Variants in NRBF2 observed in about 807,000 individuals in gnomAD.
The protein encoded by NRBF2 is nuclear receptor binding factor 2.
NRBF2 carries 12 observed loss-of-function variants against 28.5 expected under a neutral mutation model. The ratio of observed to expected loss-of-function variants is 0.42; its 90% CI spans 0.27 to 0.68. The LOEUF (loss-of-function observed/expected upper bound fraction) is 0.68, where lower values mean the gene tolerates loss of function less well. Ranked by LOEUF, NRBF2 falls within the 30% of genes least tolerant of loss-of-function variation. The pLI is 0.24. For missense variants in NRBF2, 274 were observed against 333.5 expected (o/e 0.82, Z 1.39); for synonymous variants, 102 against 116.5 (o/e 0.88, Z 0.80).
intron 1 of NRBF2, among the ~76,000 whole-genome samples, chr10:63,134,860 A>C (rs1841350191): frequency 6.6e-6 from 1 of 152,178 alleles, no homozygotes; most frequent in Non-Finnish European, 1.5e-5. Context: ...ATTTACACTT[A>C]AGACGAATTG....
chr10:63,150,123 T>A (rs574196222), intron 2 of NRBF2, among the ~76,000 whole-genome samples: 1 of 151,648 alleles, frequency 6.6e-6, no homozygotes, highest in East Asian at 1.9e-4. Context: ...TGTATTTTTT[T>A]TTTTTTTTAG....
chr10:63,147,422 G>A (rs1841579050), intron 2 of NRBF2, among the ~76,000 whole-genome samples: 1 of 151,676 alleles, frequency 6.6e-6, no homozygotes, highest in South Asian at 2.1e-4. Flanking sequence ...CTGGTTTCAA[G>A]TGGTTCTCCT....
At chr10:63,141,812 C>T (rs1047072523) in intron 1 of NRBF2, among the ~76,000 whole-genome samples, 2 of 152,154 alleles carry the variant, frequency 1.3e-5, no homozygotes, top group African/African-American at 4.8e-5. Flanking sequence ...CTGATAAGAA[C>T]ATAGTAGGAA....
intron 2 of NRBF2, 32 bp downstream of exon 2, chr10:63,146,325 A>C: frequency 6.8e-7 from 1 of 1,465,986 alleles, no homozygotes; most frequent in Non-Finnish European, 9.4e-7. Flanking sequence ...TCAGTGTAAA[A>C]CTGAAGAGCA....
intron 2 of NRBF2, among the ~76,000 whole-genome samples, chr10:63,150,098 C>T (rs540773341): frequency 3.3e-5 from 5 of 151,250 alleles, no homozygotes; most frequent in African/African-American, 9.8e-5. Flanking sequence ...CCTGCCACCA[C>T]GCCCAGCTAA....
chr10:63,142,799 T>TTTTTTTTTTTTTTG (rs1841496523), intron 1 of NRBF2, among the ~76,000 whole-genome samples: 1 of 139,914 alleles, frequency 7.1e-6, no homozygotes, highest in African/African-American at 2.8e-5. Flanking sequence ...TTTTTTTTTT[T>TTTTTTTTTTTTTTG]TGAGGCTGTC....
intron 2 of NRBF2, among the ~76,000 whole-genome samples, chr10:63,148,280 T>C (rs1841595198): frequency 6.6e-6 from 1 of 152,188 alleles, no homozygotes; most frequent in Admixed American, 6.5e-5. Flanking sequence ...TTAGCTTAAA[T>C]TATAGAGACA....
chr10:63,146,180 A>G, intron 1 of NRBF2, 29 bp from the exon 2 acceptor site: 1 of 1,564,598 alleles, frequency 6.4e-7, no homozygotes, highest in Non-Finnish European at 8.8e-7. Context: ...TTTATGATCC[A>G]GAGGAACTTA....
intron 2 of NRBF2, among the ~76,000 whole-genome samples, chr10:63,149,600 A>C (rs147974210): frequency 6.6e-6 from 1 of 152,186 alleles, no homozygotes; most frequent in African/African-American, 2.4e-5. Context: ...ATTTAAAATA[A>C]TTTTTTTCTT....
chr10:63,144,414 T>TC (rs1841527287), intron 1 of NRBF2, among the ~76,000 whole-genome samples: 1 of 123,820 alleles, frequency 8.1e-6, no homozygotes, highest in Non-Finnish European at 1.7e-5. Flanking sequence ...AGAATTATCT[T>TC]CCCTTTTTTT....
At position 63,147,483 on chromosome 10, in the gene NRBF2, G is replaced by A. The variant is rs528522144; in HGVS notation, c.115+1190G>A. On this transcript the variant is annotated intron_variant, in intron 2 of 3. Transcript: ENST00000277746. ...CTACAGGTGTGTGCCACCACCCCCGGCTTGTATTTTTGTAGAGACAGGGTT... is the reference window on the plus strand; with the variant it reads ...CTACAGGTGTGTGCCACCACCCCCGACTTGTATTTTTGTAGAGACAGGGTT... 5.3e-5 allele frequency among the ~76,000 whole-genome samples: 8 copies of A among 151,940 alleles called. No homozygotes were observed. The South Asian group carries it at 1.7e-3, about 32-fold the overall frequency.
chr10:63,153,305 G>A (rs1841677713), intron 3 of NRBF2, among the ~76,000 whole-genome samples: 1 of 152,130 alleles, frequency 6.6e-6, no homozygotes, highest in Non-Finnish European at 1.5e-5. Flanking sequence ...ATTACACATG[G>A]GGTCAGGCAC....
At chr10:63,142,366 C>T (rs1041402709) in intron 1 of NRBF2, among the ~76,000 whole-genome samples, 11 of 149,662 alleles carry the variant, frequency 7.3e-5, no homozygotes, top group South Asian at 4.2e-4. Context: ...TGCAATGGCA[C>T]GATCTCAGCT....
intron 2 of NRBF2, among the ~76,000 whole-genome samples, chr10:63,150,549 T>C (rs1311005921): frequency 6.6e-6 from 1 of 152,160 alleles, no homozygotes; most frequent in Non-Finnish European, 1.5e-5. Flanking sequence ...ACTCTTCTTT[T>C]TCTTGGAAAG....
intron 1 of NRBF2, among the ~76,000 whole-genome samples, chr10:63,142,125 G>A (rs1841479063): frequency 6.6e-6 from 1 of 152,070 alleles, no homozygotes; most frequent in African/African-American, 2.4e-5. Flanking sequence ...AGAAGAAAGT[G>A]ATTGAAATCA....
intron 1 of NRBF2, among the ~76,000 whole-genome samples, chr10:63,144,086 A>G (rs887957346): frequency 6.6e-6 from 1 of 152,152 alleles, no homozygotes; most frequent in African/African-American, 2.4e-5. Context: ...GTGATGTAAA[A>G]AACACGTGAA....
chr10:63,133,580 A>G (rs984937344), intron 1 of NRBF2, 80 bp downstream of exon 1: 3 of 1,099,780 alleles, frequency 2.7e-6, no homozygotes, highest in African/African-American at 3.1e-5. Flanking sequence ...CGCGTCGGCT[A>G]ACCCTTTAGG....
chr10:63,154,824 A>T lies in NRBF2; in HGVS notation c.*606A>T, dbSNP rs1841708899. 6.6e-6 allele frequency: 1 copy of T among 152,660 alleles called. No homozygotes were observed. The highest frequency in any genetic ancestry group is 2.4e-5 in the African/African-American group (1 of 41,448). The allele number at this position is 152,660 out of a possible 1,614,324, so 9.5% of individuals were successfully genotyped here. On this transcript the variant is annotated 3_prime_UTR_variant, in exon 4 of 4. Coordinates refer to ENST00000277746, the MANE Select transcript of NRBF2 (RefSeq NM_030759.5). ...TTCCATTTTATGAAGAAAGGAACCA[A>T]ATTATTATGCTTTTTAAAACAAATT...
rs528382032 is a variant in NRBF2, at chr10:63,133,609, A to G, written c.30+109A>G. 2.7e-5 allele frequency: 23 copies of G among 848,306 alleles called. 1 individual carries two copies. The Admixed American group carries it at 4.0e-4, about 15-fold the overall frequency. 52.5% of individuals were successfully genotyped at this position (848,306 alleles called of 1,614,324 possible). A position where few individuals can be genotyped will look rare whatever the true frequency, so the allele number is the denominator to read the frequency against. On this transcript the variant is annotated intron_variant, in intron 1 of 3. Transcript: ENST00000277746. ...CTTTAGGCTGGGAGGTTGGTTTGGC[A>G]GGAGTGGTCGCAGAGGCTGTGAGGG... is the stretch of plus-strand genomic sequence containing the variant.
Sources: allele counts gnomAD v4.1 joint callset (sites outside exome capture counted in the v4.1 genomes callset), GRCh38; gene constraint gnomAD v4.1.1; transcripts MANE v1.5; gene names NCBI Gene and HGNC (gene_info 2026-07-23, HGNC 2026-07-21).